MGAT4C: variants seen among roughly 807,000 people sequenced by gnomAD.
MGAT4C encodes the protein MGAT4 family member C, also known as alpha-1,3-mannosyl-glycoprotein 4-beta-N-acetylglucosaminyltransferase C.
MGAT4C carries 19 observed loss-of-function variants against 40.1 expected under a neutral mutation model. That is an observed-to-expected ratio of 0.47 (90% CI 0.33 to 0.70). The LOEUF is 0.70. Ranked by LOEUF, MGAT4C falls within the 30% of genes least tolerant of loss-of-function variation. MGAT4C has a pLI of 0.02. For synonymous variants in MGAT4C, 181 were observed against 187.1 expected, an observed-to-expected ratio of 0.97 and a Z score of 0.27; for missense variants, 491 against 563.2, an observed-to-expected ratio of 0.87 and a Z score of 1.30.
chr12:86,619,503 A>G (rs1962571034), intron 2 of MGAT4C, among the ~76,000 whole-genome samples: 1 of 152,004 alleles, frequency 6.6e-6, no homozygotes, highest in Non-Finnish European at 1.5e-5. Context: ...TGTACTCTCA[A>G]CACCAAAAAG....
intron 2 of MGAT4C, among the ~76,000 whole-genome samples, chr12:86,450,039 A>G (rs1048594401): frequency 6.6e-6 from 1 of 152,148 alleles, no homozygotes; most frequent in Admixed American, 6.6e-5. Flanking sequence ...TGTCCTGAAG[A>G]AAAAGTATTG....
intron 2 of MGAT4C, among the ~76,000 whole-genome samples, chr12:86,476,393 C>A (rs1957835936): frequency 6.6e-6 from 1 of 152,026 alleles, no homozygotes; most frequent in South Asian, 2.1e-4. Context: ...GAAATACCAT[C>A]CCATTTTCTG....
At chr12:86,726,387 A>C (rs955648396) in intron 2 of MGAT4C, among the ~76,000 whole-genome samples, 1 of 152,136 alleles carries the variant, frequency 6.6e-6, no homozygotes, top group African/African-American at 2.4e-5. Context: ...TTTGAATAAC[A>C]CTGCTGTGTA....
chr12:86,690,588 T>C (rs1252084632), intron 2 of MGAT4C, among the ~76,000 whole-genome samples: 1 of 152,146 alleles, frequency 6.6e-6, no homozygotes, highest in Non-Finnish European at 1.5e-5. Flanking sequence ...CCCCTTGCAC[T>C]TCCTGAGTGA....
chr12:86,684,113 C>T (rs1950029764), intron 2 of MGAT4C, among the ~76,000 whole-genome samples: 2 of 152,128 alleles, frequency 1.3e-5, no homozygotes, highest in Non-Finnish European at 2.9e-5. Context: ...GGGTGGCTCA[C>T]GCCTGTAACC....
intron 3 of MGAT4C, among the ~76,000 whole-genome samples, chr12:86,412,913 G>A (rs758170462): frequency 6.6e-6 from 1 of 152,160 alleles, no homozygotes; most frequent in Non-Finnish European, 1.5e-5. Context: ...TCACGATAGT[G>A]AGTGAGTTAT....
chr12:86,392,347 C>T (rs190722590), intron 3 of MGAT4C, among the ~76,000 whole-genome samples: 1 of 152,198 alleles, frequency 6.6e-6, no homozygotes, highest in African/African-American at 2.4e-5. Context: ...TGGCATGCAC[C>T]TGTAATCCTA....
At chr12:86,383,854 A>C (rs577000740) in intron 3 of MGAT4C, among the ~76,000 whole-genome samples, 4 of 152,254 alleles carry the variant, frequency 2.6e-5, no homozygotes, top group African/African-American at 4.8e-5. Flanking sequence ...ACTGGTTTTG[A>C]AATGTGAGGA....
At chr12:86,162,067 C>G (rs75876943) in intron 1 of MGAT4C, among the ~76,000 whole-genome samples, 2 of 152,090 alleles carry the variant, frequency 1.3e-5, no homozygotes, top group African/African-American at 4.8e-5. Context: ...ATTGGTCCTG[C>G]CACTGGAAAG....
At chr12:86,035,540 G>A (rs1450223408) in intron 2 of MGAT4C, among the ~76,000 whole-genome samples, 1 of 149,860 alleles carries the variant, frequency 6.7e-6, no homozygotes, top group Admixed American at 6.7e-5. Context: ...TGTTCACTAT[G>A]GTGATAGTTT....
rs1882852999 is a variant in MGAT4C at position 85,957,434 on chromosome 12, T to C, written c.*21855A>G. Reference sequence around the variant, plus strand: ...TCCCTCTAGCCTTCCTTTCATGACATGCATGAACTCTAGCAGTGGCTAGAA... The same window carrying C: ...TCCCTCTAGCCTTCCTTTCATGACACGCATGAACTCTAGCAGTGGCTAGAA... On this transcript the variant is annotated 3_prime_UTR_variant, in exon 5 of 5. Coordinates refer to ENST00000611864, the MANE Select transcript of MGAT4C (RefSeq NM_001351288.2). 1 of 152,128 alleles carries C rather than the reference T, an allele frequency of 6.6e-6. No homozygotes were observed. Among genetic ancestry groups the C allele is most frequent in the African/African-American group, 2.4e-5 (1 of 41,436 alleles). 9.4% of individuals were successfully genotyped at this position (152,128 alleles called of 1,614,324 possible).
chr12:85,985,599 A>C (rs1885117487), intron 3 of MGAT4C, among the ~76,000 whole-genome samples: 1 of 152,144 alleles, frequency 6.6e-6, no homozygotes, highest in African/African-American at 2.4e-5. Flanking sequence ...GCTTTTACAC[A>C]ATGCCATGTG....
intron 2 of MGAT4C, among the ~76,000 whole-genome samples, chr12:86,598,459 A>G (rs764165257): frequency 6.6e-6 from 1 of 152,144 alleles, no homozygotes; most frequent in Non-Finnish European, 1.5e-5. Flanking sequence ...AACAAATAGT[A>G]TATTTGGTAT....
At chr12:85,998,031 G>A (rs898070909) in intron 2 of MGAT4C, among the ~76,000 whole-genome samples, 6 of 152,214 alleles carry the variant, frequency 3.9e-5, no homozygotes, top group African/African-American at 1.4e-4. Context: ...GGATATCCAG[G>A]TGTTTCCATA....
chr12:86,034,544 T>C (rs374896101), intron 2 of MGAT4C, among the ~76,000 whole-genome samples: 2 of 147,408 alleles, frequency 1.4e-5, no homozygotes, highest in Non-Finnish European at 3.1e-5. Flanking sequence ...GAAATGTGCA[T>C]AGTAGTCTCT....
chr12:86,797,190 A>C (rs1952139174), intron 1 of MGAT4C, among the ~76,000 whole-genome samples: 1 of 151,708 alleles, frequency 6.6e-6, no homozygotes, highest in African/African-American at 2.4e-5. Flanking sequence ...CTGTTCTATA[A>C]TTTTTATCCC....
intron 1 of MGAT4C, among the ~76,000 whole-genome samples, chr12:86,774,307 C>CTT (rs1347375843): frequency 1.0e-4 from 4 of 38,622 alleles, no homozygotes; most frequent in Non-Finnish European, 1.4e-4. Context: ...TTCTTTCTTT[C>CTT]TTTCTTTCTT....
chr12:86,182,104 G>A (rs1888195458), intron 1 of MGAT4C, among the ~76,000 whole-genome samples: 1 of 151,928 alleles, frequency 6.6e-6, no homozygotes, highest in South Asian at 2.1e-4. Context: ...AATTTTCTAA[G>A]TTGAAATTTG....
intron 1 of MGAT4C, among the ~76,000 whole-genome samples, chr12:86,752,343 T>C (rs1951241175): frequency 6.6e-6 from 1 of 152,060 alleles, no homozygotes; most frequent in Non-Finnish European, 1.5e-5. Context: ...AGTGAATACA[T>C]ACACAAATAC....
Sources: gnomAD v4.1 joint callset for allele counts (sites outside exome capture counted in the v4.1 genomes callset) on GRCh38, gnomAD v4.1.1 for gene constraint, MANE v1.5 for transcripts, NCBI Gene and HGNC (gene_info 2026-07-23, HGNC 2026-07-21) for gene names.